Variants in ATP11A observed in about 807,000 individuals in gnomAD.
The protein encoded by ATP11A is ATPase phospholipid transporting 11A.
ATP11A carries 81 observed loss-of-function variants against 154.4 expected under a neutral mutation model. The observed-to-expected ratio is 0.52, with a 90% confidence interval of 0.44 to 0.63. The LOEUF (loss-of-function observed/expected upper bound fraction) is 0.63. Ranked by LOEUF, ATP11A falls within the 30% of genes least tolerant of loss-of-function variation. ATP11A has a pLI of 0.00. For missense variants in ATP11A, 1,316 were observed against 1,474.3 expected (o/e 0.89, Z 1.76); for synonymous variants, 623 against 585.9 (o/e 1.06, Z -0.91).
chr13:112,758,042 C>T (rs186369109), intron 1 of ATP11A, among the ~76,000 whole-genome samples: 4 of 152,340 alleles, frequency 2.6e-5, no homozygotes, highest in South Asian at 2.1e-4. Flanking sequence ...AAGTCTCAAC[C>T]TTTGTTTTTA....
intron 1 of ATP11A, among the ~76,000 whole-genome samples, chr13:112,759,811 T>A (rs1197947334): frequency 2.6e-5 from 4 of 152,246 alleles, no homozygotes; most frequent in Non-Finnish European, 5.9e-5. Flanking sequence ...TTATAAAATG[T>A]TATAAACATT....
In ATP11A at chr13:112,836,222, G is replaced by C. The variant is rs201847059; in HGVS notation, c.1676G>C (p.Arg559Thr). Reference sequence around the variant, plus strand: ...TTGAGTTTTGACTCAGTCAGAAGGAGAATGAGTGTAATTGTAAAATCTGCT... The same window carrying C: ...TTGAGTTTTGACTCAGTCAGAAGGACAATGAGTGTAATTGTAAAATCTGCT... Reference protein sequence around the residue: ...EILSFDSVRRRMSVIVKSATG... With the variant: ...EILSFDSVRRTMSVIVKSATG... The change falls in exon 16 of 30, where the codon AGA (arginine) becomes ACA (threonine). Residue 559 changes from arginine to threonine, a missense_variant. Arg to Thr is a moderately conservative substitution (Grantham distance 71). Coordinates refer to ENST00000375645, the MANE Select transcript of ATP11A (RefSeq NM_015205.3). The C allele has an allele frequency of 6.2e-7, 1 of 1,612,244 alleles. No homozygotes were observed.
At chr13:112,750,767 AG>A (rs1331079804) in intron 1 of ATP11A, among the ~76,000 whole-genome samples, 87 of 152,364 alleles carry the variant, frequency 5.7e-4, no homozygotes, top group African/African-American at 2.0e-3. Context: ...GAAGGTTGGA[AG>A]TGGAAGCTGC....
At chr13:112,757,205 C>T (rs561391339) in intron 1 of ATP11A, among the ~76,000 whole-genome samples, 3 of 152,328 alleles carry the variant, frequency 2.0e-5, no homozygotes, top group South Asian at 2.1e-4. Context: ...AAAGCAGGGG[C>T]GAGCGTCTGG....
chr13:112,831,773 AACAC>A (rs1594822243), intron 13 of ATP11A, among the ~76,000 whole-genome samples: 2 of 152,234 alleles, frequency 1.3e-5, no homozygotes, highest in Non-Finnish European at 2.9e-5. Context: ...AAGCAGGGCA[AACAC>A]ACATGCATGC....
intron 1 of ATP11A, among the ~76,000 whole-genome samples, chr13:112,692,410 C>T (rs1885303958): frequency 6.6e-6 from 1 of 152,220 alleles, no homozygotes; most frequent in Admixed American, 6.5e-5. Context: ...CTGACCCCTT[C>T]ATCTTGGGAG....
chr13:112,731,618 C>T (rs1325363900), intron 1 of ATP11A, among the ~76,000 whole-genome samples: 1 of 152,172 alleles, frequency 6.6e-6, no homozygotes, highest in African/African-American at 2.4e-5. Flanking sequence ...CTATCGATGG[C>T]CCAGCAGGTA....
intron 2 of ATP11A, among the ~76,000 whole-genome samples, chr13:112,800,912 A>G (rs1317465904): frequency 2.6e-5 from 4 of 152,240 alleles, no homozygotes; most frequent in African/African-American, 9.6e-5. Flanking sequence ...TTATATCAAT[A>G]GGTGCAGAAA....
At chr13:112,719,972 T>C (rs1344699677) in intron 1 of ATP11A, among the ~76,000 whole-genome samples, 1 of 152,204 alleles carries the variant, frequency 6.6e-6, no homozygotes, top group Non-Finnish European at 1.5e-5. Flanking sequence ...CACAATCATA[T>C]CAGAATGTTC....
At chr13:112,881,270 C>G in intron 29 of ATP11A, 1 of 992,992 alleles carries the variant, frequency 1.0e-6, no homozygotes, top group Non-Finnish European at 1.2e-6. Flanking sequence ...ATCCGGGGCC[C>G]CAGTGGGCTG....
chr13:112,819,181 CTA>C, intron 6 of ATP11A, 121 bp from the exon 7 acceptor site: 1 of 782,794 alleles, frequency 1.3e-6, no homozygotes. Context: ...CTTTCTGTAA[CTA>C]TTAAACATTT....
chr13:112,748,759 T>TA (rs2076619360), intron 1 of ATP11A, among the ~76,000 whole-genome samples: 1 of 152,162 alleles, frequency 6.6e-6, no homozygotes, highest in African/African-American at 2.4e-5. Flanking sequence ...AGAGATAATG[T>TA]AAAAAATGTT....
chr13:112,708,330 C>T (rs765983010), intron 1 of ATP11A, among the ~76,000 whole-genome samples: 1 of 152,076 alleles, frequency 6.6e-6, no homozygotes, highest in Admixed American at 6.6e-5. Context: ...TGTGTTTGAG[C>T]CTAGTTATAA....
At chr13:112,755,575 G>A (rs7987086) in intron 1 of ATP11A, among the ~76,000 whole-genome samples, 36,384 of 150,848 alleles carry the variant, frequency 0.24, 5,872 homozygotes, top group African/African-American at 0.46. Flanking sequence ...TCACGGAACC[G>A]TCACTCAGAG....
chr13:112,725,448 T>G (rs893551634), intron 1 of ATP11A, among the ~76,000 whole-genome samples: 1 of 152,148 alleles, frequency 6.6e-6, no homozygotes, highest in African/African-American at 2.4e-5. Context: ...CCACCTGGGT[T>G]TCTCAGCCGC....
intron 15 of ATP11A, among the ~76,000 whole-genome samples, chr13:112,835,725 C>T (rs2079215456): frequency 6.6e-6 from 1 of 152,262 alleles, no homozygotes; most frequent in African/African-American, 2.4e-5. Context: ...CACAGGTTTT[C>T]TGAGTCTTCC....
At chr13:112,761,161 G>A (rs2076953209) in intron 1 of ATP11A, among the ~76,000 whole-genome samples, 1 of 152,154 alleles carries the variant, frequency 6.6e-6, no homozygotes, top group South Asian at 2.1e-4. Flanking sequence ...TGGTCCAGGG[G>A]TCGCAGTGCT....
At chr13:112,699,870 C>G (rs1185186819) in intron 1 of ATP11A, among the ~76,000 whole-genome samples, 1 of 152,130 alleles carries the variant, frequency 6.6e-6, no homozygotes, top group African/African-American at 2.4e-5. Context: ...CTCTCTTGTC[C>G]TGGGTGGTGA....
chr13:112,691,812 A>T (rs1012081120), intron 1 of ATP11A, among the ~76,000 whole-genome samples: 4 of 151,882 alleles, frequency 2.6e-5, no homozygotes, highest in African/African-American at 4.8e-5. Context: ...TTATTTATTA[A>T]CCAAAAACCT....
Sources: gnomAD v4.1 joint callset for allele counts (sites outside exome capture counted in the v4.1 genomes callset) on GRCh38, gnomAD v4.1.1 for gene constraint, MANE v1.5 for transcripts, NCBI Gene and HGNC (gene_info 2026-07-23, HGNC 2026-07-21) for gene names.